Variants in ABCC9 observed in about 807,000 individuals in gnomAD.
ABCC9 encodes ATP-binding cassette sub-family C member 9.
Under a neutral mutation model 188.3 loss-of-function variants are expected in ABCC9, and 95 were observed. The observed-to-expected ratio is 0.50, with a 90% CI of 0.43 to 0.60. ABCC9 has a LOEUF of 0.60. ABCC9 is among the 20% of genes least tolerant of loss of function. The pLI is 0.00. For synonymous variants in ABCC9, 659 were observed against 652.7 expected (o/e 1.01, Z -0.15); for missense variants, 1,102 against 1,876.3 (o/e 0.59, Z 7.62).
intron 24 of ABCC9, among the ~76,000 whole-genome samples, chr12:21,850,160 C>T (rs571325464): frequency 1.2e-4 from 18 of 150,790 alleles, no homozygotes; most frequent in Non-Finnish European, 2.4e-4. Flanking sequence ...ACACTAGATG[C>T]TAATAGCATC....
intron 32 of ABCC9, 86 bp downstream of exon 32, chr12:21,818,064 G>T: frequency 1.1e-6 from 1 of 927,008 alleles, no homozygotes; most frequent in Non-Finnish European, 1.7e-6. Flanking sequence ...CTGTGCTCAT[G>T]TGTTCTCAAC....
At chr12:21,883,359 G>A (rs1046285689) in intron 15 of ABCC9, among the ~76,000 whole-genome samples, 3 of 152,280 alleles carry the variant, frequency 2.0e-5, no homozygotes, top group Admixed American at 6.5e-5. Context: ...TAGTGACTAA[G>A]TCTCAGGAGA....
rs557468594 is a variant in ABCC9, at chr12:21,799,830, A to C, written c.*1214T>G. 5 of 152,334 alleles carry C rather than the reference A, an allele frequency of 3.3e-5. No homozygotes were observed. The highest frequency in any genetic ancestry group is 1.2e-4 in the African/African-American group (5 of 41,576). 9.4% of individuals were successfully genotyped at this position (152,334 alleles called of 1,614,324 possible). On this transcript the variant is annotated 3_prime_UTR_variant, in exon 40 of 40. Coordinates refer to ENST00000261200, the MANE Select transcript of ABCC9 (RefSeq NM_020297.4). ...ATAGTAGAAACTGGTTGCTAACGTG[A>C]CAAAGAAGGTGACTTTTAGTATTTT... is the stretch of plus-strand genomic sequence containing the variant.
chr12:21,933,643 C>G, intron 4 of ABCC9, 139 bp downstream of exon 4: 1 of 898,964 alleles, frequency 1.1e-6, no homozygotes, highest in South Asian at 1.6e-5. Context: ...GACATAAGAA[C>G]TTCCTGCAAG....
intron 30 of ABCC9, among the ~76,000 whole-genome samples, chr12:21,833,316 A>T (rs1943880758): frequency 6.6e-6 from 1 of 152,096 alleles, no homozygotes. Context: ...ACTCTGGAGG[A>T]TCTAAACCTG....
intron 5 of ABCC9, among the ~76,000 whole-genome samples, chr12:21,920,490 T>C (rs1365818936): frequency 6.6e-6 from 1 of 152,076 alleles, no homozygotes; most frequent in Non-Finnish European, 1.5e-5. Flanking sequence ...TTGATACAGG[T>C]ATGCAATGAG....
intron 3 of ABCC9, among the ~76,000 whole-genome samples, chr12:21,936,240 A>C (rs1949481545): frequency 6.6e-6 from 1 of 152,164 alleles, no homozygotes; most frequent in South Asian, 2.1e-4. Context: ...AACCCAAAGT[A>C]AGTGCTCAAC....
At chr12:21,909,442 CTT>C (rs1307727434) in intron 10 of ABCC9, among the ~76,000 whole-genome samples, 1 of 151,830 alleles carries the variant, frequency 6.6e-6, no homozygotes, top group African/African-American at 2.4e-5. Context: ...GAATGCAAAA[CTT>C]GAGATAATTA....
At chr12:21,833,720 C>T (rs1943906104) in intron 30 of ABCC9, among the ~76,000 whole-genome samples, 2 of 152,090 alleles carry the variant, frequency 1.3e-5, no homozygotes, top group Admixed American at 1.3e-4. Flanking sequence ...CTATTCAGAT[C>T]CTTTTCATAC....
At chr12:21,882,128 C>T (rs1040191837) in intron 16 of ABCC9, among the ~76,000 whole-genome samples, 5 of 152,160 alleles carry the variant, frequency 3.3e-5, no homozygotes, top group Non-Finnish European at 5.9e-5. Context: ...AATTGGATAT[C>T]CTCCAGTAGC....
At position 21,842,394 on chromosome 12, in the gene ABCC9, A is replaced by G. The variant is rs1370305238; in HGVS notation, c.3393T>C (p.Ala1131=). 6 of 1,614,168 alleles carry G rather than the reference A, an allele frequency of 3.7e-6. No homozygotes were observed. In the South Asian group the frequency reaches 6.6e-5, roughly 18 times the overall value. The part of the protein sequence containing the change: ...CLSAIGMISY[A]TPVFLVALLP... ...GGAGAGCAACCAGGAACACAGGAGT[A>G]GCATAAGAAATCATCCCAATGGCAG... The change falls in exon 29 of 40, where the codon GCT becomes GCC. Residue 1131 remains alanine, a synonymous_variant. Coordinates refer to ENST00000261200, the MANE Select transcript of ABCC9 (RefSeq NM_020297.4).
intron 39 of ABCC9, among the ~76,000 whole-genome samples, chr12:21,804,542 A>G (rs1479499081): frequency 6.6e-6 from 1 of 152,176 alleles, no homozygotes; most frequent in Non-Finnish European, 1.5e-5. Flanking sequence ...TAAATCATTC[A>G]CACCTTAATA....
chr12:21,859,928 A>G (rs534855343), intron 21 of ABCC9, among the ~76,000 whole-genome samples: 198 of 152,288 alleles, frequency 1.3e-3, no homozygotes, highest in African/African-American at 4.6e-3. Context: ...AGCATTAATA[A>G]CCAAAACACT....
chr12:21,813,897 C>A (rs995746919), intron 35 of ABCC9, among the ~76,000 whole-genome samples: 6 of 152,146 alleles, frequency 3.9e-5, no homozygotes, highest in Non-Finnish European at 8.8e-5. Context: ...TCATCGTAAT[C>A]ATTACAGATA....
intron 5 of ABCC9, among the ~76,000 whole-genome samples, chr12:21,917,474 G>A (rs1157185925): frequency 6.6e-6 from 1 of 152,094 alleles, no homozygotes; most frequent in Non-Finnish European, 1.5e-5. Flanking sequence ...TAATTCACAA[G>A]TTGGTGTCTG....
At chr12:21,936,482 G>T in intron 3 of ABCC9, 51 bp downstream of exon 3, 2 of 1,488,566 alleles carry the variant, frequency 1.3e-6, no homozygotes, top group Non-Finnish European at 1.9e-6. Flanking sequence ...TCAGCCATTA[G>T]CGAGATATAT....
chr12:21,940,355 A>T (rs552728839), intron 2 of ABCC9, among the ~76,000 whole-genome samples: 1 of 152,244 alleles, frequency 6.6e-6, no homozygotes, highest in African/African-American at 2.4e-5. Flanking sequence ...GGGCTTTATC[A>T]TCATCTAGAG....
intron 25 of ABCC9, among the ~76,000 whole-genome samples, chr12:21,846,705 G>A (rs1206818434): frequency 2.0e-5 from 3 of 152,126 alleles, no homozygotes; most frequent in Admixed American, 6.5e-5. Context: ...TTTGGCAGGG[G>A]TATGTCCTTT....
intron 15 of ABCC9, among the ~76,000 whole-genome samples, chr12:21,885,415 A>G (rs980031013): frequency 6.6e-6 from 1 of 151,930 alleles, no homozygotes; most frequent in East Asian, 1.9e-4. Context: ...TCTCAGTTCA[A>G]TTTTTCTTCT....
Sources: allele counts gnomAD v4.1 joint callset (sites outside exome capture counted in the v4.1 genomes callset), GRCh38; gene constraint gnomAD v4.1.1; transcripts MANE v1.5; gene names NCBI Gene and HGNC (gene_info 2026-07-23, HGNC 2026-07-21).